The following PTPN4 variants were observed in gnomAD, a reference collection of about 807,000 sequenced individuals.
The protein encoded by PTPN4 is protein tyrosine phosphatase non-receptor type 4.
In PTPN4, 49 loss-of-function variants were observed where a neutral mutation model predicts 135.5. The ratio of observed to expected loss-of-function variants is 0.36; its 90% CI spans 0.29 to 0.46. The LOEUF is 0.46. PTPN4 is among the 20% of genes least tolerant of loss of function. PTPN4 has a pLI of 1.00. For synonymous variants in PTPN4, 333 were observed against 369.9 expected (o/e 0.90, Z 1.14); for missense variants, 860 against 1,101.0 (o/e 0.78, Z 3.10).
intron 2 of PTPN4, among the ~76,000 whole-genome samples, chr2:119,858,023 A>G (rs968018842): frequency 2.0e-5 from 3 of 151,880 alleles, no homozygotes; most frequent in Non-Finnish European, 4.4e-5. Flanking sequence ...TGATTCTGGG[A>G]CCTCCCACAC....
chr2:119,947,806 C>G (rs1679158151), intron 18 of PTPN4, among the ~76,000 whole-genome samples: 1 of 149,706 alleles, frequency 6.7e-6, no homozygotes, highest in Non-Finnish European at 1.5e-5. Context: ...GATTGTGACT[C>G]CTAAGTCTCC....
chr2:119,931,670 G>A (rs775161247), intron 13 of PTPN4, among the ~76,000 whole-genome samples: 2 of 151,688 alleles, frequency 1.3e-5, no homozygotes, highest in Non-Finnish European at 2.9e-5. Flanking sequence ...GAATTCCTAA[G>A]TTCCAGTGAT....
chr2:119,886,417 G>C (rs1195870854), intron 9 of PTPN4, among the ~76,000 whole-genome samples: 1 of 152,130 alleles, frequency 6.6e-6, no homozygotes, highest in African/African-American at 2.4e-5. Context: ...CTTTTCCCTT[G>C]TGTCAAACAT....
At chr2:119,939,345 G>A (rs1329521155) in intron 15 of PTPN4, among the ~76,000 whole-genome samples, 1 of 152,048 alleles carries the variant, frequency 6.6e-6, no homozygotes, top group Non-Finnish European at 1.5e-5. Context: ...CTGTTGCCTA[G>A]GCTGGAGTGC....
intron 10 of PTPN4, among the ~76,000 whole-genome samples, chr2:119,903,021 C>T (rs1276699236): frequency 6.6e-6 from 1 of 152,164 alleles, no homozygotes; most frequent in South Asian, 2.1e-4. Context: ...CCCTCCATGT[C>T]CACACAGAGG....
At chr2:119,778,620 A>T (rs116700914) in intron 1 of PTPN4, among the ~76,000 whole-genome samples, 2 of 152,208 alleles carry the variant, frequency 1.3e-5, no homozygotes, top group African/African-American at 4.8e-5. Context: ...ATGTATAAAT[A>T]GGATATAGTG....
chr2:119,806,419 T>A (rs986716199), intron 1 of PTPN4, among the ~76,000 whole-genome samples: 3 of 151,610 alleles, frequency 2.0e-5, no homozygotes, highest in African/African-American at 7.3e-5. Context: ...AAAGCAGGGG[T>A]TGCAATCCCA....
intron 15 of PTPN4, among the ~76,000 whole-genome samples, chr2:119,936,547 C>G (rs1293221947): frequency 6.6e-6 from 1 of 152,180 alleles, no homozygotes; most frequent in Admixed American, 6.5e-5. Flanking sequence ...ATTTTCTCTC[C>G]TGCCGCCCTG....
rs1234043740 is a variant in PTPN4, at chr2:119,979,242, A to G, written c.*2172A>G. 1 of 152,188 alleles carries G rather than the reference A, an allele frequency of 6.6e-6. No homozygotes were observed. Among genetic ancestry groups the G allele is most frequent in the Non-Finnish European group, 1.5e-5 (1 of 67,994 alleles). The allele number at this position is 152,188 out of a possible 1,614,324, so 9.4% of individuals were successfully genotyped here. A position where few individuals can be genotyped will look rare whatever the true frequency, so the allele number is the denominator to read the frequency against. ...CTATCTGTATGGACAGAATATGACA[A>G]CCATAGACCAAAAGATATCATTGTA... On this transcript the variant is annotated 3_prime_UTR_variant, in exon 27 of 27. Coordinates refer to ENST00000263708, the MANE Select transcript of PTPN4 (RefSeq NM_002830.4).
At position 119,952,021 on chromosome 2, in the gene PTPN4, A is replaced by G. The variant is rs1186435376; in HGVS notation, c.1705A>G (p.Ile569Val). The part of the protein sequence containing the change: ...RLNEGDQVVL[I>V]NGRDIAEHTH... ...GAATGAAGGGGACCAAGTTGTACTG[A>G]TCAATGGTCGGGACATTGCAGAACA... The change falls in exon 19 of 27, where the codon ATC becomes GTC. Residue 569 changes from isoleucine to valine, a missense_variant. Physicochemically the swap from Ile to Val is conservative, Grantham distance 29 (BLOSUM62 3). Transcript: ENST00000263708. 6.2e-7 allele frequency: 1 copy of G among 1,613,406 alleles called. No homozygotes were observed. Among genetic ancestry groups the G allele is most frequent in the Non-Finnish European group, 8.5e-7 (1 of 1,179,438 alleles).
At chr2:119,898,004 A>G (rs1420309857) in intron 9 of PTPN4, among the ~76,000 whole-genome samples, 1 of 152,228 alleles carries the variant, frequency 6.6e-6, no homozygotes, top group African/African-American at 2.4e-5. Flanking sequence ...TAAGTGTAAG[A>G]TTTAGCTACT....
intron 2 of PTPN4, among the ~76,000 whole-genome samples, chr2:119,827,266 T>C (rs1677159494): frequency 6.6e-6 from 1 of 152,174 alleles, no homozygotes; most frequent in Admixed American, 6.5e-5. Flanking sequence ...TTTATCACCC[T>C]GTTGGGGGGA....
intron 1 of PTPN4, among the ~76,000 whole-genome samples, chr2:119,788,905 C>T (rs146466225): frequency 6.6e-6 from 1 of 152,098 alleles, no homozygotes; most frequent in African/African-American, 2.4e-5. Context: ...TCTTTGGGAC[C>T]CAGCTTTCAG....
intron 1 of PTPN4, among the ~76,000 whole-genome samples, chr2:119,805,868 G>C (rs1188234118): frequency 6.6e-6 from 1 of 152,076 alleles, no homozygotes; most frequent in Non-Finnish European, 1.5e-5. Flanking sequence ...AAATTACCTT[G>C]GGCAGTATGG....
chr2:119,953,649 C>G (rs1275669269), intron 19 of PTPN4, among the ~76,000 whole-genome samples: 1 of 152,000 alleles, frequency 6.6e-6, no homozygotes, highest in Non-Finnish European at 1.5e-5. Flanking sequence ...ATAATAGATC[C>G]TAAAGAACTC....
intron 2 of PTPN4, among the ~76,000 whole-genome samples, chr2:119,837,693 A>G (rs572308108): frequency 6.6e-6 from 1 of 152,320 alleles, no homozygotes; most frequent in East Asian, 1.9e-4. Flanking sequence ...TACCTAGGGT[A>G]CCCTTTTAAT....
intron 2 of PTPN4, among the ~76,000 whole-genome samples, chr2:119,839,117 G>A (rs770020433): frequency 6.6e-6 from 1 of 152,030 alleles, no homozygotes; most frequent in African/African-American, 2.4e-5. Context: ...TGAATTAAGG[G>A]TTTTTTCCCC....
rs188368042 is a variant in PTPN4, at chr2:119,785,853, A to G, written c.-17-23984A>G. On this transcript the variant is annotated intron_variant, in intron 1 of 26. Transcript: ENST00000263708. The stretch of plus-strand genomic sequence containing the variant: ...GCAATCAGAAGTTTTCATGGTATGT[A>G]TGAAATCCAAGTAAAGGAGAGAGAG... Among the ~76,000 whole-genome samples, 200 of 152,254 alleles carry G rather than the reference A, an allele frequency of 1.3e-3. 8 individuals are homozygous for G. Among genetic ancestry groups the G allele is most frequent in the Admixed American group, 0.013 (198 of 15,274 alleles).
In PTPN4 at chr2:119,878,962, A is replaced by T. The variant is rs190931987; in HGVS notation, c.368+1420A>T. On this transcript the variant is annotated intron_variant, in intron 5 of 26. Transcript: ENST00000263708. ...CAAAAAATTAGCCGGGTGTGGTGGCAGGCGCCTGTAGTCCCAGCTACTGGG... is the reference window on the plus strand; with the variant it reads ...CAAAAAATTAGCCGGGTGTGGTGGCTGGCGCCTGTAGTCCCAGCTACTGGG... Among the ~76,000 whole-genome samples the T allele has an allele frequency of 2.0e-5, 3 of 151,764 alleles. No individual in the cohort carries two copies. The East Asian group carries it at 5.8e-4, about 29-fold the overall frequency.
Sources: gnomAD v4.1 joint callset for allele counts (sites outside exome capture counted in the v4.1 genomes callset) on GRCh38, gnomAD v4.1.1 for gene constraint, MANE v1.5 for transcripts, NCBI Gene and HGNC (gene_info 2026-07-23, HGNC 2026-07-21) for gene names.